PDE11A: variants seen among roughly 807,000 people sequenced by gnomAD.
PDE11A encodes phosphodiesterase 11A, also known as dual 3',5'-cyclic-AMP and -GMP phosphodiesterase 11A.
A neutral mutation model predicts 100.5 loss-of-function variants in PDE11A; 100 were observed. The ratio of observed to expected loss-of-function variants is 1.00; its 90% CI spans 0.85 to 1.18. The LOEUF is 1.18. PDE11A is among the 50% of genes most tolerant of loss of function. The pLI is 0.00. For synonymous variants in PDE11A, 381 were observed against 420.8 expected, an observed-to-expected ratio of 0.91 and a Z score of 1.16; for missense variants, 1,141 against 1,152.6, an observed-to-expected ratio of 0.99 and a Z score of 0.15.
chr2:178,074,402 A>G (rs550670077), upstream of PDE11A, among the ~76,000 whole-genome samples: 5 of 152,326 alleles, frequency 3.3e-5, no homozygotes, highest in East Asian at 9.6e-4. Flanking sequence ...CAAGATAAGA[A>G]CAAAAAACAT....
intron 5 of PDE11A, among the ~76,000 whole-genome samples, chr2:177,848,298 A>G (rs1037694701): frequency 1.3e-5 from 2 of 152,232 alleles, no homozygotes; most frequent in South Asian, 2.1e-4. Flanking sequence ...ATATTGATAT[A>G]AATGTTTGAG....
At chr2:177,700,971 A>G in intron 14 of PDE11A, 150 bp downstream of exon 14, 1 of 702,354 alleles carries the variant, frequency 1.4e-6, no homozygotes, top group Non-Finnish European at 2.6e-6. Context: ...CTATAGGAAC[A>G]GAAAAAGCTA....
intron 2 of PDE11A, among the ~76,000 whole-genome samples, chr2:177,991,837 A>C (rs892770058): frequency 6.6e-6 from 1 of 151,078 alleles, no homozygotes; most frequent in African/African-American, 2.4e-5. Flanking sequence ...TCTTCCAATA[A>C]GTTTTTTGAG....
chr2:177,942,409 T>TTA (rs879763104), intron 2 of PDE11A, among the ~76,000 whole-genome samples: 2,134 of 107,626 alleles, frequency 0.02, 16 homozygotes, highest in Non-Finnish European at 0.031. Flanking sequence ...TAAAATTATT[T>TTA]TTTTTTTTTT....
chr2:177,910,183 C>A (rs1260786303), intron 2 of PDE11A, among the ~76,000 whole-genome samples: 3 of 152,136 alleles, frequency 2.0e-5, no homozygotes, highest in Non-Finnish European at 4.4e-5. Context: ...CTGTGTCATT[C>A]ATTGGCATGA....
intron 19 of PDE11A, among the ~76,000 whole-genome samples, chr2:177,652,492 C>T (rs2080325637): frequency 6.6e-6 from 1 of 152,072 alleles, no homozygotes; most frequent in Admixed American, 6.5e-5. Flanking sequence ...TCAATTGTGC[C>T]AACTAAGATT....
Position 178,015,583 on chromosome 2 carries a change from A to T in PDE11A, c.913-1123T>A, listed in dbSNP as rs906141177. Among the ~76,000 whole-genome samples the T allele has an allele frequency of 9.9e-5, 15 of 152,184 alleles. 1 individual carries two copies. Among genetic ancestry groups the T allele is most frequent in the Admixed American group, 1.3e-4 (2 of 15,284 alleles). On this transcript the variant is annotated intron_variant, in intron 1 of 19. Coordinates refer to ENST00000286063, the MANE Select transcript of PDE11A (RefSeq NM_016953.4). ...ATATTTCTGGAGGGACAATTGGAGA[A>T]AGTTAAGTCAGATAATTATATCATT...
At chr2:177,891,064 C>G (rs1292053133) in intron 4 of PDE11A, among the ~76,000 whole-genome samples, 1 of 152,036 alleles carries the variant, frequency 6.6e-6, no homozygotes, top group Non-Finnish European at 1.5e-5. Context: ...CAGTAAGTAT[C>G]CTTATATACT....
At chr2:177,942,613 G>A (rs1426099625) in intron 2 of PDE11A, among the ~76,000 whole-genome samples, 2 of 151,974 alleles carry the variant, frequency 1.3e-5, no homozygotes, top group Non-Finnish European at 2.9e-5. Context: ...TGTTGGTCAG[G>A]CTTGTGTCGA....
At chr2:177,973,158 C>G (rs1259297391) in intron 2 of PDE11A, among the ~76,000 whole-genome samples, 1 of 149,634 alleles carries the variant, frequency 6.7e-6, no homozygotes, top group Non-Finnish European at 1.5e-5. Context: ...GTGATTTCTG[C>G]ATTTCCATCT....
chr2:177,702,128 C>T (rs924170154), intron 13 of PDE11A, among the ~76,000 whole-genome samples: 1 of 152,032 alleles, frequency 6.6e-6, no homozygotes, highest in Non-Finnish European at 1.5e-5. Context: ...AAAGGGATTA[C>T]TTTGAGTTAT....
intron 19 of PDE11A, among the ~76,000 whole-genome samples, chr2:177,651,890 G>A (rs2080314719): frequency 6.6e-6 from 1 of 152,094 alleles, no homozygotes; most frequent in African/African-American, 2.4e-5. Flanking sequence ...TGAGCAGCAA[G>A]TATACCCTCC....
At chr2:177,736,526 G>GA (rs200764235) in intron 10 of PDE11A, among the ~76,000 whole-genome samples, 1,551 of 148,628 alleles carry the variant, frequency 0.01, 30 homozygotes, top group African/African-American at 0.036. Context: ...AAAAAAAAAA[G>GA]AAAAAAAAAG....
rs368925084 is a variant in PDE11A at position 177,714,838 on chromosome 2, C to T, written c.2044-2960G>A. ...AAAGCAATTTTGAAGTGGGTCAGAA[C>T]GGTCACAGCTTGTTTCTAGATCCTT... On this transcript the variant is annotated intron_variant, in intron 12 of 19. Transcript: ENST00000286063. 8.5e-5 allele frequency among the ~76,000 whole-genome samples: 13 copies of T among 152,142 alleles called. No individual in the cohort carries two copies. The East Asian group carries it at 1.2e-3, about 14-fold the overall frequency.
intron 2 of PDE11A, among the ~76,000 whole-genome samples, chr2:178,103,681 T>C (rs948806807): frequency 1.3e-5 from 2 of 151,444 alleles, no homozygotes; most frequent in African/African-American, 4.9e-5. Flanking sequence ...ATATATAATC[T>C]CAAAAAAGCT....
intron 13 of PDE11A, 41 bp from the exon 14 acceptor site, chr2:177,701,252 G>A: frequency 1.0e-6 from 1 of 965,894 alleles, no homozygotes; most frequent in Non-Finnish European, 1.7e-6. Flanking sequence ...GCCTATCGAT[G>A]GTTCCCCCAC....
intron 2 of PDE11A, among the ~76,000 whole-genome samples, chr2:178,013,638 T>C (rs910529737): frequency 6.6e-6 from 1 of 152,210 alleles, no homozygotes; most frequent in African/African-American, 2.4e-5. Flanking sequence ...ATTTTATAAA[T>C]ATTCAACCAG....
At chr2:177,954,012 A>T (rs1393715098) in intron 2 of PDE11A, among the ~76,000 whole-genome samples, 1 of 152,020 alleles carries the variant, frequency 6.6e-6, no homozygotes, top group South Asian at 2.1e-4. Flanking sequence ...TGGAAACTTT[A>T]TCATGGGATT....
intron 13 of PDE11A, among the ~76,000 whole-genome samples, chr2:177,708,574 T>C (rs966064787): frequency 1.3e-5 from 2 of 151,966 alleles, no homozygotes; most frequent in African/African-American, 4.8e-5. Context: ...AAACCCCCGT[T>C]ACACATGGTT....
Sources: allele counts gnomAD v4.1 joint callset (sites outside exome capture counted in the v4.1 genomes callset), GRCh38; gene constraint gnomAD v4.1.1; transcripts MANE v1.5; gene names NCBI Gene and HGNC (gene_info 2026-07-23, HGNC 2026-07-21).